DNAH8: variants seen among roughly 807,000 people sequenced by gnomAD.
The protein encoded by DNAH8 is dynein axonemal heavy chain 8.
A neutral mutation model predicts 562.1 loss-of-function variants in DNAH8; 382 were observed. That is an observed-to-expected ratio of 0.68 (90% CI 0.63 to 0.74). DNAH8 has a LOEUF of 0.74. Ranked by LOEUF, DNAH8 falls within the 30% of genes least tolerant of loss-of-function variation. The pLI is 0.00. For synonymous variants in DNAH8, 1,881 were observed against 1,919.4 expected (o/e 0.98, Z 0.52); for missense variants, 5,203 against 5,620.4 (o/e 0.93, Z 2.37).
chr6:38,729,108 C>T (rs1292364902), intron 3 of DNAH8, among the ~76,000 whole-genome samples: 1 of 152,074 alleles, frequency 6.6e-6, no homozygotes, highest in African/African-American at 2.4e-5. Context: ...GAGACTGATG[C>T]CGGAGAATCT....
intron 22 of DNAH8, 102 bp from the exon 23 acceptor site, chr6:38,805,379 G>C: frequency 1.4e-6 from 1 of 705,548 alleles, no homozygotes; most frequent in Non-Finnish European, 2.5e-6. Flanking sequence ...TTAAAAGTAA[G>C]AGCTTTTTAA....
At chr6:38,893,849 T>C (rs1377168218) in intron 58 of DNAH8, among the ~76,000 whole-genome samples, 1 of 152,218 alleles carries the variant, frequency 6.6e-6, no homozygotes, top group Non-Finnish European at 1.5e-5. Flanking sequence ...ACCAGAATTA[T>C]CATTATTTTC....
intron 3 of DNAH8, among the ~76,000 whole-genome samples, chr6:38,727,113 C>G (rs1473509181): frequency 1.3e-5 from 2 of 151,990 alleles, no homozygotes; most frequent in Non-Finnish European, 2.9e-5. Flanking sequence ...CAGCCTTGAC[C>G]TCCCAAAGGG....
At chr6:38,723,975 TTAA>T (rs199819531) in intron 3 of DNAH8, among the ~76,000 whole-genome samples, 2,463 of 113,528 alleles carry the variant, frequency 0.022, 66 homozygotes, top group African/African-American at 0.089. Context: ...TTAAATTTAA[TTAA>T]TTAATTAATT....
Position 38,863,860 on chromosome 6 carries a change from T to G in DNAH8, c.6311-13T>G. 3 of 1,569,542 alleles carry G rather than the reference T, an allele frequency of 1.9e-6. No individual in the cohort carries two copies. The highest frequency in any genetic ancestry group is 2.6e-6 in the Non-Finnish European group (3 of 1,165,940). ...AGAGTAAAACTTTACAAATTAACTG[T>G]TTTTCATGCCAGGTCTTGCACAGTC... On this transcript the variant is annotated splice_polypyrimidine_tract_variant and intron_variant, in intron 44 of 92. Coordinates refer to ENST00000327475, the MANE Select transcript of DNAH8 (RefSeq NM_001206927.2).
intron 91 of DNAH8, among the ~76,000 whole-genome samples, chr6:39,021,621 C>G (rs368175746): frequency 8.5e-5 from 13 of 152,274 alleles, no homozygotes; most frequent in African/African-American, 2.9e-4. Context: ...TTTAATTTAC[C>G]AATGAACTAC....
chr6:39,014,136 T>A (rs1307976740), intron 91 of DNAH8, among the ~76,000 whole-genome samples: 2 of 152,212 alleles, frequency 1.3e-5, no homozygotes, highest in African/African-American at 4.8e-5. Context: ...ATGTTTAAAT[T>A]TGAAACACTA....
At position 38,827,148 on chromosome 6, in the gene DNAH8, T is replaced by C. The variant is rs180849122; in HGVS notation, c.4083+757T>C. On this transcript the variant is annotated intron_variant, in intron 29 of 92. Transcript: ENST00000327475. ...ATCACTTCTACCCCCATTTCTGTCA[T>C]TGTGTCTTCTCTCACACCTACTTTC... Among the ~76,000 whole-genome samples, 179 of 152,052 alleles carry C rather than the reference T, an allele frequency of 1.2e-3. 1 individual carries two copies. Among genetic ancestry groups the C allele is most frequent in the African/African-American group, 3.9e-3 (160 of 41,468 alleles).
intron 88 of DNAH8, among the ~76,000 whole-genome samples, chr6:39,001,093 G>C (rs1561962511): frequency 6.6e-6 from 1 of 152,180 alleles, no homozygotes. Flanking sequence ...GCATGAGGGA[G>C]GGGGGTGCTT....
chr6:38,748,416 C>CA (rs1193427563), intron 8 of DNAH8, among the ~76,000 whole-genome samples: 1 of 152,106 alleles, frequency 6.6e-6, no homozygotes, highest in Non-Finnish European at 1.5e-5. Flanking sequence ...ACTGATATCC[C>CA]AACCTCTTTG....
chr6:38,947,109 A>G (rs776381138), intron 80 of DNAH8, among the ~76,000 whole-genome samples: 3 of 152,210 alleles, frequency 2.0e-5, no homozygotes, highest in Non-Finnish European at 4.4e-5. Flanking sequence ...TCAAAGAGTT[A>G]GTTAAGTACT....
chr6:38,791,966 T>C (rs1274178126), intron 21 of DNAH8, among the ~76,000 whole-genome samples: 3 of 152,156 alleles, frequency 2.0e-5, no homozygotes, highest in Non-Finnish European at 4.4e-5. Context: ...GGCCATATCA[T>C]TTTTCTCATG....
chr6:38,935,854 C>T (rs985727242), intron 77 of DNAH8, among the ~76,000 whole-genome samples, 157 bp downstream of exon 77: 9 of 152,184 alleles, frequency 5.9e-5, no homozygotes, highest in East Asian at 1.9e-4. Flanking sequence ...TAAAGAGGGA[C>T]GGCAGAGAAT....
At position 38,902,653 on chromosome 6, in the gene DNAH8, C is replaced by T. The variant is rs938266833; in HGVS notation, c.9194+2747C>T. 3.3e-5 allele frequency among the ~76,000 whole-genome samples: 5 copies of T among 152,266 alleles called. 1 individual carries two copies. The highest frequency in any genetic ancestry group is 1.9e-4 in the East Asian group (1 of 5,152). On this transcript the variant is annotated intron_variant, in intron 62 of 92. Transcript: ENST00000327475. ...TATAAACATCTTGCTTCATGACAGTCGTTCCTGTGTCATTGTGTCTTACCA... is the reference window on the plus strand; with the variant it reads ...TATAAACATCTTGCTTCATGACAGTTGTTCCTGTGTCATTGTGTCTTACCA...
At chr6:38,863,100 T>C (rs1187915657) in intron 44 of DNAH8, among the ~76,000 whole-genome samples, 1 of 152,148 alleles carries the variant, frequency 6.6e-6, no homozygotes, top group Non-Finnish European at 1.5e-5. Context: ...TGATTTAGCA[T>C]GTCCACTTAA....
chr6:38,932,270 G>C (rs112263856), intron 76 of DNAH8, among the ~76,000 whole-genome samples: 1,940 of 150,128 alleles, frequency 0.013, 35 homozygotes, highest in Middle Eastern at 0.038. Flanking sequence ...ACTCTCTTAT[G>C]TATAGTCCTT....
At chr6:38,853,145 A>G (rs1346095408) in intron 40 of DNAH8, 41 bp from the exon 41 acceptor site, 1 of 1,534,742 alleles carries the variant, frequency 6.5e-7, no homozygotes, top group Non-Finnish European at 8.9e-7. Context: ...AAAAATGCCA[A>G]ATTATTATCA....
intron 76 of DNAH8, among the ~76,000 whole-genome samples, chr6:38,935,371 G>A (rs1487499729): frequency 6.6e-6 from 1 of 152,206 alleles, no homozygotes; most frequent in South Asian, 2.1e-4. Context: ...GCCAGTATAA[G>A]TGCTGTGGAA....
intron 25 of DNAH8, among the ~76,000 whole-genome samples, 179 bp from the exon 26 acceptor site, chr6:38,815,289 A>G (rs1214166675): frequency 2.6e-5 from 4 of 152,120 alleles, no homozygotes; most frequent in African/African-American, 9.7e-5. Context: ...TAGCGGGAAA[A>G]CTTCAGGATA....
Sources: gnomAD v4.1 joint callset for allele counts (sites outside exome capture counted in the v4.1 genomes callset) on GRCh38, gnomAD v4.1.1 for gene constraint, MANE v1.5 for transcripts, NCBI Gene and HGNC (gene_info 2026-07-23, HGNC 2026-07-21) for gene names.